Variants in MARCHF2 observed in about 807,000 individuals in gnomAD.
MARCHF2 encodes membrane associated ring-CH-type finger 2, also known as E3 ubiquitin-protein ligase MARCHF2.
A neutral mutation model predicts 24.0 loss-of-function variants in MARCHF2; 22 were observed. The ratio of observed to expected loss-of-function variants is 0.92; its 90% CI spans 0.66 to 1.31. The LOEUF (loss-of-function observed/expected upper bound fraction) is 1.31. Among genes scored for constraint, MARCHF2 ranks in the 50% most tolerant of loss-of-function variants. The pLI, the probability that MARCHF2 is intolerant of heterozygous loss-of-function variation, is 0.00. For missense variants in MARCHF2, 301 were observed against 335.3 expected, an observed-to-expected ratio of 0.90 and a Z score of 0.80; for synonymous variants, 154 against 153.0, an observed-to-expected ratio of 1.01 and a Z score of -0.05.
At chr19:8,437,142 G>A (rs1455915626) in intron 4 of MARCHF2, among the ~76,000 whole-genome samples, 1 of 151,926 alleles carries the variant, frequency 6.6e-6, no homozygotes. Context: ...ACCACACCTG[G>A]CTAATTTTTA....
intron 4 of MARCHF2, among the ~76,000 whole-genome samples, chr19:8,433,675 CAAAAA>C (rs143853447): frequency 1.1e-5 from 1 of 90,712 alleles, no homozygotes; most frequent in Non-Finnish European, 2.2e-5. Context: ...GACTCCGTCT[CAAAAA>C]AAAAAAAAAA....
At chr19:8,428,482 T>C (rs1001269741) in intron 3 of MARCHF2, among the ~76,000 whole-genome samples, 2 of 149,622 alleles carry the variant, frequency 1.3e-5, no homozygotes, top group Non-Finnish European at 3.0e-5. Flanking sequence ...AGCAAAACTC[T>C]GTCTCAAACG....
intron 1 of MARCHF2, 144 bp from the exon 2 acceptor site, chr19:8,421,645 G>C (rs1967246389): frequency 2.0e-6 from 1 of 506,760 alleles, no homozygotes; most frequent in African/African-American, 2.0e-5. Flanking sequence ...GCCCTACAGA[G>C]GCCCATTTTA....
Position 8,430,464 on chromosome 19 carries a change from G to A in MARCHF2, c.373-194G>A, listed in dbSNP as rs958790083. 1.7e-4 allele frequency among the ~76,000 whole-genome samples: 26 copies of A among 149,680 alleles called. No individual in the cohort carries two copies. Among genetic ancestry groups the A allele is most frequent in the African/African-American group, 5.4e-4 (22 of 40,664 alleles). The stretch of plus-strand genomic sequence containing the variant: ...ACAGGAGAATTGCTTAAACCCAGAA[G>A]GTCGAGGTTGCAGTGAGCCGAGATC... On this transcript the variant is annotated intron_variant, in intron 3 of 4. Coordinates refer to ENST00000215555, the MANE Select transcript of MARCHF2 (RefSeq NM_001005415.2). The surrounding 1 kb of genome is among the most constrained non-coding windows in gnomAD (Gnocchi z 4.4).
At chr19:8,431,327 C>T (rs1249554674) in intron 4 of MARCHF2, among the ~76,000 whole-genome samples, 1 of 150,398 alleles carries the variant, frequency 6.6e-6, no homozygotes, top group African/African-American at 2.5e-5. Context: ...GAAGAAACCC[C>T]ATCTCTACTA....
chr19:8,431,512 A>AAG (rs1299969898), intron 4 of MARCHF2, among the ~76,000 whole-genome samples: 1 of 149,516 alleles, frequency 6.7e-6, no homozygotes, highest in East Asian at 2.0e-4. Context: ...AAAAAAAAAA[A>AAG]AAAAAAAGGA....
chr19:8,438,620 C>T lies in MARCHF2; in HGVS notation c.*74C>T. 1 of 1,462,126 alleles carries T rather than the reference C, an allele frequency of 6.8e-7. No individual in the cohort carries two copies. Among genetic ancestry groups the T allele is most frequent in the Non-Finnish European group, 9.3e-7 (1 of 1,078,056 alleles). The allele number at this position is 1,462,126 out of a possible 1,614,324, so 90.6% of individuals were successfully genotyped here. On this transcript the variant is annotated 3_prime_UTR_variant, in exon 5 of 5. Transcript: ENST00000215555. The stretch of plus-strand genomic sequence containing the variant: ...GATACCCTGTCCTGTGGAAGGACTT[C>T]CACTTCAACACTTCCACTTCAACAG...
At chr19:8,436,220 C>G (rs1192600089) in intron 4 of MARCHF2, among the ~76,000 whole-genome samples, 1 of 151,662 alleles carries the variant, frequency 6.6e-6, no homozygotes, top group Admixed American at 6.6e-5. Context: ...CTGCAACTTC[C>G]GCCTCCTGGG....
At chr19:8,416,169 C>T (rs1201124000) in intron 1 of MARCHF2, among the ~76,000 whole-genome samples, 1 of 151,956 alleles carries the variant, frequency 6.6e-6, no homozygotes, top group Non-Finnish European at 1.5e-5. Flanking sequence ...TGGTGAAACC[C>T]TGTCTCTACT....
intron 4 of MARCHF2, among the ~76,000 whole-genome samples, chr19:8,434,295 G>A (rs1967657517): frequency 6.6e-6 from 1 of 151,944 alleles, no homozygotes; most frequent in South Asian, 2.1e-4. Flanking sequence ...ATGTTGGCCA[G>A]GCTGGTCTCG....
At chr19:8,431,057 C>G (rs1289072769) in intron 4 of MARCHF2, among the ~76,000 whole-genome samples, 190 bp downstream of exon 4, 2 of 152,150 alleles carry the variant, frequency 1.3e-5, no homozygotes, top group Admixed American at 1.3e-4. Context: ...TGACAAAGGT[C>G]TAGGGAATCC....
chr19:8,426,929 C>T, intron 3 of MARCHF2, 125 bp downstream of exon 3: 5 of 812,208 alleles, frequency 6.2e-6, no homozygotes, highest in Non-Finnish European at 7.7e-6. Flanking sequence ...CGCCCCTGTC[C>T]ACCAGGTGGG....
intron 4 of MARCHF2, among the ~76,000 whole-genome samples, chr19:8,431,816 C>T (rs1489778551): frequency 2.0e-5 from 3 of 151,882 alleles, no homozygotes; most frequent in Non-Finnish European, 4.4e-5. Context: ...CCAGCCTGGG[C>T]GACAAGAGCA....
At chr19:8,424,189 C>T (rs910025981) in intron 2 of MARCHF2, among the ~76,000 whole-genome samples, 1 of 152,132 alleles carries the variant, frequency 6.6e-6, no homozygotes, top group African/African-American at 2.4e-5. Flanking sequence ...CCGGCATCCC[C>T]AGAGACTGGG....
Position 8,430,603 on chromosome 19 carries a change from C to T in MARCHF2, c.373-55C>T. The T allele has an allele frequency of 1.4e-6, 2 of 1,473,124 alleles. No homozygotes were observed. Among genetic ancestry groups the T allele is most frequent in the South Asian group, 2.3e-5 (2 of 88,216 alleles). The allele number at this position is 1,473,124 out of a possible 1,614,324, so 91.3% of individuals were successfully genotyped here. A position where few individuals can be genotyped will look rare whatever the true frequency, so the allele number is the denominator to read the frequency against. On this transcript the variant is annotated intron_variant, in intron 3 of 4. Coordinates refer to ENST00000215555, the MANE Select transcript of MARCHF2 (RefSeq NM_001005415.2). The surrounding 1 kb of genome is among the most constrained non-coding windows in gnomAD (Gnocchi z 4.4). ...GGCCTGGAGGTCCTTACCCCTCCCC[C>T]TCAGTAGCCCCTTCTCTGCCCCCTC... is the stretch of plus-strand genomic sequence containing the variant.
chr19:8,438,438 C>G lies in MARCHF2; in HGVS notation c.633C>G (p.Asn211Lys). 6.2e-7 allele frequency: 1 copy of G among 1,614,102 alleles called. No homozygotes were observed. The highest frequency in any genetic ancestry group is 8.5e-7 in the Non-Finnish European group (1 of 1,180,034). Residue 211 changes from asparagine to lysine, a missense_variant, in exon 5 of 5, where the codon AAC becomes AAG. Physicochemically the swap from Asn to Lys is moderately conservative, Grantham distance 94. Transcript: ENST00000215555. ...CQLYSEWRKT[N>K]QKVRLKIREA... ...TGTACTCCGAGTGGAGAAAGACCAA[C>G]CAGAAAGTTCGCCTGAAGATCCGGG...
At chr19:8,425,941 T>C (rs751976249) in intron 2 of MARCHF2, among the ~76,000 whole-genome samples, 3 of 150,814 alleles carry the variant, frequency 2.0e-5, no homozygotes, top group East Asian at 4.1e-4. Context: ...GAGTCGAGGA[T>C]TGGGGGCCGG....
chr19:8,438,504 A>C lies in MARCHF2; in HGVS notation c.699A>C (p.Ala233=). The C allele has an allele frequency of 1.2e-6, 2 of 1,614,140 alleles. No homozygotes were observed. The highest frequency in any genetic ancestry group is 1.1e-5 in the South Asian group (1 of 91,084). The part of the protein sequence containing the change: ...SPEGPQHSPL[A]AGLLKKVAEE... ...AGGGCCCCCAGCATTCTCCACTGGCAGCTGGACTCCTGAAGAAGGTGGCAG... is the reference window on the plus strand; with the variant it reads ...AGGGCCCCCAGCATTCTCCACTGGCCGCTGGACTCCTGAAGAAGGTGGCAG... The change falls in exon 5 of 5, where the codon GCA becomes GCC. Residue 233 remains alanine (A), a synonymous_variant. Transcript: ENST00000215555.
intron 1 of MARCHF2, 57 bp downstream of exon 1, chr19:8,413,477 G>A (rs2145524041): frequency 6.6e-6 from 1 of 152,240 alleles, no homozygotes; most frequent in South Asian, 2.1e-4. Context: ...CCGGCCCCGG[G>A]TTCGAGGCCG....
Sources: allele counts gnomAD v4.1 joint callset (sites outside exome capture counted in the v4.1 genomes callset), GRCh38; gene constraint gnomAD v4.1.1; non-coding constraint Gnocchi (gnomAD v3.1); transcripts MANE v1.5; gene names NCBI Gene and HGNC (gene_info 2026-07-23, HGNC 2026-07-21).